The following FGFR3 variants were observed in gnomAD, a reference collection of about 807,000 sequenced individuals.
The protein encoded by FGFR3 is fibroblast growth factor receptor 3, also known as FGFR-3.
A neutral mutation model predicts 82.9 loss-of-function variants in FGFR3; 25 were observed. The ratio of observed to expected loss-of-function variants is 0.30; its 90% CI spans 0.22 to 0.42. The LOEUF (loss-of-function observed/expected upper bound fraction) is 0.42, where lower values mean the gene tolerates loss of function less well. Ranked by LOEUF, FGFR3 falls within the 10% of genes least tolerant of loss-of-function variation. The pLI, the probability that FGFR3 is intolerant of heterozygous loss-of-function variation, is 1.00. For synonymous variants in FGFR3, 620 were observed against 516.0 expected (o/e 1.20, Z -2.73); for missense variants, 1,026 against 1,161.0 (o/e 0.88, Z 1.69).
In FGFR3 at chr4:1,799,459, G is replaced by A. The variant is rs1409355800; in HGVS notation, c.315G>A (p.Gly105=). The part of the protein sequence containing the change: ...QVLNASHEDS[G]AYSCRQRLTQ... Reference sequence around the variant, plus strand: ...TGAATGCCTCCCACGAGGACTCCGGGGCCTACAGCTGCCGGCAGCGGCTCA... The same window carrying A: ...TGAATGCCTCCCACGAGGACTCCGGAGCCTACAGCTGCCGGCAGCGGCTCA... The change falls in exon 3 of 18, where the codon GGG becomes GGA. Residue 105 remains glycine (G), a synonymous_variant. Transcript: ENST00000440486. 3.7e-6 allele frequency: 6 copies of A among 1,602,864 alleles called. No individual in the cohort carries two copies. Among genetic ancestry groups the A allele is most frequent in the Non-Finnish European group, 5.1e-6 (6 of 1,175,520 alleles).
intron 7 of FGFR3, chr4:1,803,176 G>T: frequency 1.6e-6 from 2 of 1,261,644 alleles, no homozygotes; most frequent in Non-Finnish European, 2.1e-6. Context: ...CCCGGCTCGC[G>T]CTCCACTCGG....
intron 7 of FGFR3, chr4:1,803,030 G>C: frequency 6.2e-7 from 1 of 1,601,168 alleles, no homozygotes; most frequent in East Asian, 2.3e-5. Flanking sequence ...TGGCCGAGAA[G>C]GCCTTTTGGC....
At chr4:1,799,181 C>T in intron 2 of FGFR3, 73 bp from the exon 3 acceptor site, 6 of 1,604,996 alleles carry the variant, frequency 3.7e-6, no homozygotes, top group African/African-American at 2.7e-5. Context: ...GCCGCCGAGG[C>T]TTCCACTGCT....
Position 1,807,768 on chromosome 4 carries a change from A to G in FGFR3, c.*506A>G. The G allele has an allele frequency of 5.4e-6, 3 of 558,598 alleles. No individual in the cohort carries two copies. Among genetic ancestry groups the G allele is most frequent in the South Asian group, 3.0e-5 (2 of 67,144 alleles). 34.6% of individuals were successfully genotyped at this position (558,598 alleles called of 1,614,324 possible). ...CGCCTCCCCACCTCCAGGCTTTCCC[A>G]CTTCCCACCCTGCCCCTCAGAGACT... On this transcript the variant is annotated 3_prime_UTR_variant, in exon 18 of 18. Coordinates refer to ENST00000440486, the MANE Select transcript of FGFR3 (RefSeq NM_000142.5).
chr4:1,801,369 G>C lies in FGFR3; in HGVS notation c.448G>C (p.Ala150Pro), dbSNP rs1477909570. The stretch of plus-strand genomic sequence containing the variant: ...TTCACACGCACCTCGGCCCGCAGGG[G>C]CCCCTTACTGGACACGGCCCGAGCG... ...EAEDTGVDTGAPYWTRPERMD... is the reference protein window; with the variant it reads ...EAEDTGVDTGPPYWTRPERMD... The change falls in exon 5 of 18, where the codon GCC becomes CCC. Residue 150 changes from alanine to proline, a missense_variant and splice_region_variant. Coordinates refer to ENST00000440486, the MANE Select transcript of FGFR3 (RefSeq NM_000142.5). 31 of 1,554,368 alleles carry C rather than the reference G, an allele frequency of 2.0e-5. No individual in the cohort carries two copies. The highest frequency in any genetic ancestry group is 9.6e-5 in the East Asian group (4 of 41,492).
At chr4:1,804,566 C>T (rs745839085) in intron 9 of FGFR3, 46 bp downstream of exon 9, 2 of 1,603,496 alleles carry the variant, frequency 1.2e-6, no homozygotes, top group Middle Eastern at 1.7e-4. Context: ...GCCCGCCAGG[C>T]CTCCTGGAGC....
At chr4:1,797,695 G>A (rs1036968149) in intron 2 of FGFR3, among the ~76,000 whole-genome samples, 3 of 152,230 alleles carry the variant, frequency 2.0e-5, no homozygotes, top group Admixed American at 2.0e-4. Flanking sequence ...CCGGAGGGCT[G>A]GAGGTCAGGC....
intron 7 of FGFR3, among the ~76,000 whole-genome samples, chr4:1,802,488 G>C (rs989675142): frequency 1.3e-5 from 2 of 152,338 alleles, no homozygotes; most frequent in African/African-American, 4.8e-5. Context: ...TCCCATGGCT[G>C]CCGGGTGGGG....
At position 1,808,539 on chromosome 4, in the gene FGFR3, T is replaced by C. The variant is rs1039769572; in HGVS notation, c.*1277T>C. On this transcript the variant is annotated 3_prime_UTR_variant, in exon 18 of 18. Transcript: ENST00000440486. ...TGTTATTAGATGTTACAAGTTTATATATATCTATATATATAATTTATTGAG... is the reference window on the plus strand; with the variant it reads ...TGTTATTAGATGTTACAAGTTTATACATATCTATATATATAATTTATTGAG... The C allele has an allele frequency of 5.7e-5, 13 of 229,880 alleles. No individual in the cohort carries two copies. Among genetic ancestry groups the C allele is most frequent in the African/African-American group, 2.9e-4 (13 of 45,064 alleles). 14.2% of individuals were successfully genotyped at this position (229,880 alleles called of 1,614,324 possible). A position where few individuals can be genotyped will look rare whatever the true frequency, so the allele number is the denominator to read the frequency against.
chr4:1,804,294 G>C (rs200104209), intron 8 of FGFR3, 36 bp from the exon 9 acceptor site: 152 of 1,553,430 alleles, frequency 9.8e-5, no homozygotes, highest in Admixed American at 2.2e-4. Context: ...GTGGGGGGGG[G>C]GGCCAGGCCA....
In FGFR3 at chr4:1,803,267, C is replaced by T. The variant is rs1014767825; in HGVS notation, c.931-425C>T. ...CCCTGTGGCCTGCGCCGACCCTTCC[C>T]GCACGCCTGCGACCCCCACAGGAGG... On this transcript the variant is annotated intron_variant, in intron 7 of 17. Transcript: ENST00000440486. 16 of 612,602 alleles carry T rather than the reference C, an allele frequency of 2.6e-5. No individual in the cohort carries two copies. In the South Asian group the frequency reaches 2.7e-4, roughly 10 times the overall value. 37.9% of individuals were successfully genotyped at this position (612,602 alleles called of 1,614,324 possible).
At chr4:1,803,129 C>A in intron 7 of FGFR3, 1 of 1,435,226 alleles carries the variant, frequency 7.0e-7, no homozygotes, top group South Asian at 1.5e-5. Flanking sequence ...GCCGCGCGCC[C>A]TGCACGCCCC....
intron 10 of FGFR3, 116 bp from the exon 11 acceptor site, chr4:1,805,239 C>A: frequency 6.4e-7 from 1 of 1,553,136 alleles, no homozygotes; most frequent in East Asian, 2.3e-5. Flanking sequence ...GCATGGAGGG[C>A]TTCCTGGAGG....
In FGFR3 at chr4:1,807,415, G is replaced by C; in HGVS notation, c.*153G>C. 5.2e-6 allele frequency: 6 copies of C among 1,162,718 alleles called. No individual in the cohort carries two copies. Among genetic ancestry groups the C allele is most frequent in the Non-Finnish European group, 7.4e-6 (6 of 807,310 alleles). The allele number at this position is 1,162,718 out of a possible 1,614,324, so 72.0% of individuals were successfully genotyped here. A position where few individuals can be genotyped will look rare whatever the true frequency, so the allele number is the denominator to read the frequency against. On this transcript the variant is annotated 3_prime_UTR_variant, in exon 18 of 18. Coordinates refer to ENST00000440486, the MANE Select transcript of FGFR3 (RefSeq NM_000142.5). ...TGTGTGTGTGCGTGTGTGTGTGTGT[G>C]TGTGCACATCCGCGTGTGCCTGTGT...
Position 1,801,466 on chromosome 4 carries a change from C to T in FGFR3, c.545C>T (p.Pro182Leu). 1 of 1,554,274 alleles carries T rather than the reference C, an allele frequency of 6.4e-7. No individual in the cohort carries two copies. The highest frequency in any genetic ancestry group is 8.7e-7 in the Non-Finnish European group (1 of 1,149,164). ...VRFRCPAAGN[P>L]TPSISWLKNG... ...TTCCGCTGCCCAGCCGCTGGCAACCCCACTCCCTCCATCTCCTGGCTGAAG... is the reference window on the plus strand; with the variant it reads ...TTCCGCTGCCCAGCCGCTGGCAACCTCACTCCCTCCATCTCCTGGCTGAAG... Residue 182 changes from proline to leucine, a missense_variant, in exon 5 of 18, where the codon CCC becomes CTC. Coordinates refer to ENST00000440486, the MANE Select transcript of FGFR3 (RefSeq NM_000142.5).
chr4:1,796,986 G>T (rs1236609271), intron 2 of FGFR3, among the ~76,000 whole-genome samples: 2 of 152,138 alleles, frequency 1.3e-5, no homozygotes, highest in Non-Finnish European at 2.9e-5. Flanking sequence ...AGTTGAGGTC[G>T]GCACTGTGTG....
chr4:1,799,351 G>A lies in FGFR3; in HGVS notation c.207G>A (p.Met69Ile), dbSNP rs886254380. 6.2e-7 allele frequency: 1 copy of A among 1,612,572 alleles called. No individual in the cohort carries two copies. Among genetic ancestry groups the A allele is most frequent in the Non-Finnish European group, 8.5e-7 (1 of 1,179,880 alleles). ...GTCCCCCGCCCGGGGGTGGTCCCAT[G>A]GGGCCCACTGTCTGGGTCAAGGATG... is the stretch of plus-strand genomic sequence containing the variant. ...LSCPPPGGGPMGPTVWVKDGT... is the reference protein window; with the variant it reads ...LSCPPPGGGPIGPTVWVKDGT... Residue 69 changes from methionine (M) to isoleucine (I), a missense_variant, in exon 3 of 18, where the codon ATG becomes ATA. Physicochemically the swap from Met to Ile is conservative, Grantham distance 10 (BLOSUM62 1). Around this residue, in one of 9 missense-constraint regions of FGFR3, gnomAD observed 226 missense variants for 222.0 expected, o/e 1.02. Coordinates refer to ENST00000440486, the MANE Select transcript of FGFR3 (RefSeq NM_000142.5).
chr4:1,802,870 G>GCTGCCTCGGGGGCGTGC, intron 7 of FGFR3: 6 of 1,551,180 alleles, frequency 3.9e-6, no homozygotes, highest in Non-Finnish European at 4.3e-6. Context: ...GCCCGGCGGG[G>GCTGCCTCGGGGGCGTGC]CTGCCTCGGG....
intron 2 of FGFR3, among the ~76,000 whole-genome samples, chr4:1,797,654 C>T (rs969498217): frequency 2.0e-5 from 3 of 152,244 alleles, no homozygotes; most frequent in Admixed American, 6.5e-5. Context: ...GCTCCCAGCT[C>T]TGGGTGGTCC....
Sources: gnomAD v4.1 joint callset for allele counts (sites outside exome capture counted in the v4.1 genomes callset) on GRCh38, gnomAD v4.1.1 for gene constraint, gnomAD v4.1.1 regional missense constraint, MANE v1.5 for transcripts, NCBI Gene and HGNC (gene_info 2026-07-23, HGNC 2026-07-21) for gene names.